The following ACTL8 variants were observed in gnomAD, a reference collection of about 807,000 sequenced individuals.
ACTL8 encodes actin-like protein 8.
ACTL8 carries 3 observed loss-of-function variants against 9.3 expected under a neutral mutation model. The observed-to-expected ratio is 0.32, with a 90% CI of 0.15 to 0.83. ACTL8 has a LOEUF of 0.83. Among genes scored for constraint, ACTL8 ranks in the 40% least tolerant of loss-of-function variants. The pLI is 0.57. For missense variants in ACTL8, 381 were observed against 492.2 expected (o/e 0.77, Z 2.14); for synonymous variants, 224 against 205.9 (o/e 1.09, Z -0.75).
chr1:17,760,286 G>C (rs1362696321), intron 1 of ACTL8, among the ~76,000 whole-genome samples: 2 of 152,214 alleles, frequency 1.3e-5, no homozygotes, highest in Non-Finnish European at 2.9e-5. Context: ...GTGGGTCTTA[G>C]AAGGAGTGAA....
chr1:17,757,770 G>A (rs762724619), intron 1 of ACTL8, among the ~76,000 whole-genome samples: 13 of 152,212 alleles, frequency 8.5e-5, no homozygotes, highest in Non-Finnish European at 1.6e-4. Context: ...CAGGAAGGCA[G>A]AATGTAACAC....
intron 1 of ACTL8, among the ~76,000 whole-genome samples, chr1:17,785,347 G>C (rs140418983): frequency 1.8e-3 from 269 of 152,308 alleles, no homozygotes; most frequent in African/African-American, 6.2e-3. Flanking sequence ...CTGGCATACT[G>C]GGTGTGTGCT....
chr1:17,823,666 T>C lies in ACTL8; in HGVS notation c.348+310T>C, dbSNP rs561986077. On this transcript the variant is annotated intron_variant, in intron 2 of 2. Coordinates refer to ENST00000375406, the MANE Select transcript of ACTL8 (RefSeq NM_030812.3). This position sits in a 1 kb window ranked among gnomAD's most constrained non-coding sequence, Gnocchi z 5.3. Reference sequence around the variant, plus strand: ...TCAGTTGAGCCCGGGAGGTCGAGAATAGAGTGAGCTGAGATCACGACACTG... The same window carrying C: ...TCAGTTGAGCCCGGGAGGTCGAGAACAGAGTGAGCTGAGATCACGACACTG... Among the ~76,000 whole-genome samples the C allele has an allele frequency of 6.6e-6, 1 of 151,998 alleles. No individual in the cohort carries two copies. The highest frequency in any genetic ancestry group is 1.5e-5 in the Non-Finnish European group (1 of 68,000).
intron 1 of ACTL8, among the ~76,000 whole-genome samples, chr1:17,819,192 C>T (rs574236267): frequency 6.6e-6 from 1 of 152,352 alleles, no homozygotes; most frequent in East Asian, 1.9e-4. Flanking sequence ...CACCACATGC[C>T]AGGGCCGAGA....
At chr1:17,774,690 G>A (rs541632959) in intron 1 of ACTL8, among the ~76,000 whole-genome samples, 33 of 152,220 alleles carry the variant, frequency 2.2e-4, no homozygotes, top group African/African-American at 6.3e-4. Flanking sequence ...GGAGTGCAGC[G>A]CGCAAGGGGG....
At position 17,825,342 on chromosome 1, in the gene ACTL8, C is replaced by G. The variant is rs1377964375; in HGVS notation, c.349-425C>G. On this transcript the variant is annotated intron_variant, in intron 2 of 2. Transcript: ENST00000375406. ...TTCTTGTCTGTCTTATCTTTCTGGT[C>G]TGTCTTTTCCAGTCTTCCTCCACTG... 2.7e-5 allele frequency among the ~76,000 whole-genome samples: 4 copies of G among 150,248 alleles called. No individual in the cohort carries two copies. In the Admixed American group the frequency reaches 2.7e-4, roughly 10 times the overall value.
chr1:17,766,757 C>T (rs2066047178), intron 1 of ACTL8, among the ~76,000 whole-genome samples: 1 of 152,130 alleles, frequency 6.6e-6, no homozygotes, highest in Admixed American at 6.5e-5. Flanking sequence ...CTTCAGAGAC[C>T]AAGCTTTGAC....
At chr1:17,817,717 T>TTC (rs1553123802) in intron 1 of ACTL8, among the ~76,000 whole-genome samples, 4 of 151,714 alleles carry the variant, frequency 2.6e-5, no homozygotes, top group African/African-American at 9.7e-5. Flanking sequence ...TTTCTTTTTT[T>TTC]CGAGATGGAG....
At chr1:17,765,736 G>A (rs2066039952) in intron 1 of ACTL8, among the ~76,000 whole-genome samples, 1 of 152,214 alleles carries the variant, frequency 6.6e-6, no homozygotes, top group Non-Finnish European at 1.5e-5. Flanking sequence ...CGGAATGTGA[G>A]GTCTCTCAGG....
chr1:17,807,538 G>A (rs182042653), intron 1 of ACTL8, among the ~76,000 whole-genome samples: 36 of 152,262 alleles, frequency 2.4e-4, no homozygotes, highest in African/African-American at 7.2e-4. Flanking sequence ...CAAGTATGCC[G>A]TGTTATGTAT....
At chr1:17,796,843 G>C (rs576147774) in intron 1 of ACTL8, among the ~76,000 whole-genome samples, 5 of 152,210 alleles carry the variant, frequency 3.3e-5, no homozygotes, top group Non-Finnish European at 4.4e-5. Context: ...TTGTCGGAGT[G>C]TTAACTTCTA....
chr1:17,821,869 G>A (rs966689064), intron 1 of ACTL8, among the ~76,000 whole-genome samples: 1 of 152,126 alleles, frequency 6.6e-6, no homozygotes, highest in African/African-American at 2.4e-5. Flanking sequence ...CAGGTGATCT[G>A]GCCGCCTTGG....
intron 1 of ACTL8, among the ~76,000 whole-genome samples, chr1:17,820,977 G>A (rs74427703): frequency 0.023 from 3,461 of 152,052 alleles, 126 homozygotes; most frequent in African/African-American, 0.076. Context: ...CCTTAATTTC[G>A]GTCATTCTAA....
intron 1 of ACTL8, among the ~76,000 whole-genome samples, chr1:17,805,377 CTTTTTTTTT>C (rs56870755): frequency 0.29 from 29,072 of 100,536 alleles, 3,461 homozygotes; most frequent in East Asian, 0.51. Flanking sequence ...TTTTCTTTTT[CTTTTTTTTT>C]TTTTTTTTTT....
intron 1 of ACTL8, among the ~76,000 whole-genome samples, chr1:17,794,159 G>A (rs989136022): frequency 2.0e-5 from 3 of 152,122 alleles, no homozygotes; most frequent in African/African-American, 4.8e-5. Context: ...AGATGCAGTC[G>A]CTTGGCCAAG....
At position 17,775,644 on chromosome 1, in the gene ACTL8, C is replaced by T. The variant is rs542312525; in HGVS notation, c.-25+20140C>T. 7.2e-4 allele frequency among the ~76,000 whole-genome samples: 109 copies of T among 152,346 alleles called. 4 individuals carry two copies. The South Asian group carries it at 0.02, about 28-fold the overall frequency. ...CCATGGTAGTTAAATCTAACAGCCA[C>T]GTCAGTCCTCATCCTGATCTCAGCA... On this transcript the variant is annotated intron_variant, in intron 1 of 2. Coordinates refer to ENST00000375406, the MANE Select transcript of ACTL8 (RefSeq NM_030812.3).
At chr1:17,822,292 C>T (rs2053669912) in intron 1 of ACTL8, among the ~76,000 whole-genome samples, 1 of 152,162 alleles carries the variant, frequency 6.6e-6, no homozygotes, top group Non-Finnish European at 1.5e-5. Context: ...AAGTGGACGT[C>T]ACCTGCCTTA....
chr1:17,781,474 G>A (rs2066154491), intron 1 of ACTL8, among the ~76,000 whole-genome samples: 1 of 152,026 alleles, frequency 6.6e-6, no homozygotes, highest in Non-Finnish European at 1.5e-5. Context: ...CCTGACCTCA[G>A]GTGATCTGCC....
intron 1 of ACTL8, among the ~76,000 whole-genome samples, chr1:17,809,691 T>A (rs928099174): frequency 3.3e-5 from 5 of 151,920 alleles, no homozygotes; most frequent in African/African-American, 1.2e-4. Context: ...TATGAGAATC[T>A]AATGCCCGAT....
Sources: gnomAD v4.1 joint callset for allele counts (sites outside exome capture counted in the v4.1 genomes callset) on GRCh38, gnomAD v4.1.1 for gene constraint, Gnocchi (gnomAD v3.1) non-coding constraint, MANE v1.5 for transcripts, NCBI Gene and HGNC (gene_info 2026-07-23, HGNC 2026-07-21) for gene names.